Variants in FRG1 observed in about 807,000 individuals in gnomAD.
FRG1 encodes the protein protein FRG1.
A neutral mutation model predicts 37.0 loss-of-function variants in FRG1; 19 were observed. The observed-to-expected ratio is 0.51, with a 90% CI of 0.36 to 0.75. The LOEUF is 0.75. Ranked by LOEUF, FRG1 falls within the 30% of genes least tolerant of loss-of-function variation. The pLI, the probability that FRG1 is intolerant of heterozygous loss-of-function variation, is 0.00. For missense variants in FRG1, 243 were observed against 301.4 expected (o/e 0.81, Z 1.44); for synonymous variants, 73 against 96.5 (o/e 0.76, Z 1.43).
At position 189,957,362 on chromosome 4, in the gene FRG1, T is replaced by C. The variant is rs375494110; in HGVS notation, c.433-36T>C. 6.1e-5 allele frequency: 94 copies of C among 1,543,636 alleles called. No individual in the cohort carries two copies. In the African/African-American group the frequency reaches 1.4e-3, roughly 22 times the overall value. The stretch of plus-strand genomic sequence containing the variant: ...CACTTAATGTTTCTCCCACAAGAAG[T>C]ATCCTCATGGCTATTTTGTTATTTG... On this transcript the variant is annotated intron_variant, in intron 5 of 8. Coordinates refer to ENST00000226798, the MANE Select transcript of FRG1 (RefSeq NM_004477.3).
chr4:189,948,209 A>G (rs935221266), intron 2 of FRG1, among the ~76,000 whole-genome samples: 25 of 152,206 alleles, frequency 1.6e-4, no homozygotes, highest in African/African-American at 6.0e-4. Context: ...AATTTTTTAA[A>G]GCTGTTCTGT....
chr4:189,956,052 A>G (rs536082915), intron 5 of FRG1, among the ~76,000 whole-genome samples: 135 of 152,308 alleles, frequency 8.9e-4, no homozygotes, highest in Non-Finnish European at 1.4e-3. Flanking sequence ...CTTGAAAACT[A>G]TTTTGGCCCA....
At chr4:189,945,950 T>A (rs1039953830) in intron 2 of FRG1, among the ~76,000 whole-genome samples, 1 of 150,410 alleles carries the variant, frequency 6.6e-6, no homozygotes, top group African/African-American at 2.5e-5. Context: ...TAAGAGATAT[T>A]TTCAGATTTT....
chr4:189,959,674 T>C (rs1737145652), intron 6 of FRG1, among the ~76,000 whole-genome samples: 1 of 152,244 alleles, frequency 6.6e-6, no homozygotes, highest in Non-Finnish European at 1.5e-5. Context: ...TGTGCAGTGC[T>C]TTGCACTTAT....
intron 8 of FRG1, among the ~76,000 whole-genome samples, 159 bp downstream of exon 8, chr4:189,962,091 TGG>T (rs1011215536): frequency 6.6e-6 from 1 of 152,208 alleles, no homozygotes; most frequent in Non-Finnish European, 1.5e-5. Flanking sequence ...ATCGTAAGTT[TGG>T]GAAAAGACTG....
At chr4:189,956,531 G>T (rs1448409977) in intron 5 of FRG1, among the ~76,000 whole-genome samples, 9 of 152,158 alleles carry the variant, frequency 5.9e-5, no homozygotes, top group Non-Finnish European at 1.2e-4. Flanking sequence ...TGTGGCACAG[G>T]TTTAAATCGT....
intron 5 of FRG1, among the ~76,000 whole-genome samples, chr4:189,956,709 T>G (rs10032179): frequency 0.35 from 52,856 of 152,082 alleles, 9,606 homozygotes; most frequent in African/African-American, 0.46. Context: ...TATAAATATT[T>G]TGTCTAAATG....
chr4:189,950,398 T>G (rs1736705144), intron 2 of FRG1, among the ~76,000 whole-genome samples: 1 of 152,226 alleles, frequency 6.6e-6, no homozygotes. Context: ...CCACGTTTTC[T>G]TTTGTTGCCT....
intron 6 of FRG1, 43 bp downstream of exon 6, chr4:189,957,545 G>C (rs78503302): frequency 1.3e-6 from 2 of 1,563,318 alleles, no homozygotes; most frequent in South Asian, 2.3e-5. Flanking sequence ...TCACACATGC[G>C]ATGTGACTGT....
chr4:189,945,660 G>GT (rs925601759), intron 2 of FRG1, among the ~76,000 whole-genome samples: 20 of 150,750 alleles, frequency 1.3e-4, no homozygotes, highest in South Asian at 6.3e-4. Flanking sequence ...TGTGTTTTTT[G>GT]TTTTTTTTTA....
At chr4:189,941,958 C>T (rs1736327758) in intron 1 of FRG1, 1 of 356,238 alleles carries the variant, frequency 2.8e-6, no homozygotes, top group African/African-American at 2.2e-5. Context: ...GCCTTGAGAA[C>T]CCTCTCGAGG....
intron 6 of FRG1, among the ~76,000 whole-genome samples, chr4:189,958,880 T>C (rs894919010): frequency 3.9e-5 from 6 of 152,252 alleles, no homozygotes; most frequent in Non-Finnish European, 8.8e-5. Flanking sequence ...GGCTTTTCTG[T>C]GTCTTGGCAT....
chr4:189,962,975 G>A (rs912583143), intron 8 of FRG1, 118 bp from the exon 9 acceptor site: 2 of 519,252 alleles, frequency 3.9e-6, no homozygotes, highest in African/African-American at 3.9e-5. Context: ...TTTAATAAAA[G>A]TGTTGTGGTA....
intron 7 of FRG1, 80 bp downstream of exon 7, chr4:189,960,919 T>C: frequency 6.6e-7 from 1 of 1,517,766 alleles, no homozygotes; most frequent in African/African-American, 1.4e-5. Context: ...AATTACCTAC[T>C]TAGCTGGGCA....
chr4:189,960,929 A>T, intron 7 of FRG1, 90 bp downstream of exon 7: 1 of 1,449,696 alleles, frequency 6.9e-7, no homozygotes, highest in Non-Finnish European at 9.3e-7. Context: ...TTAGCTGGGC[A>T]TGGTGGTACA....
chr4:189,947,647 A>G (rs999350660), intron 2 of FRG1, among the ~76,000 whole-genome samples: 15 of 152,192 alleles, frequency 9.9e-5, no homozygotes, highest in African/African-American at 3.4e-4. Context: ...CAGCCCTCAG[A>G]AGTGCCAGCC....
chr4:189,948,364 C>T (rs1203795306), intron 2 of FRG1, among the ~76,000 whole-genome samples: 1 of 152,152 alleles, frequency 6.6e-6, no homozygotes, highest in East Asian at 1.9e-4. Flanking sequence ...GATTCAGAAG[C>T]AGTTGGACTT....
At position 189,960,818 on chromosome 4, in the gene FRG1, A is replaced by G. The variant is rs1561079076; in HGVS notation, c.608A>G (p.Lys203Arg). Residue 203 changes from lysine (K) to arginine (R), a missense_variant, in exon 7 of 9, where the codon AAA becomes AGA. This residue lies in a region of FRG1 where 133 missense variants were observed against 199.3 expected (regional missense o/e 0.67). Transcript: ENST00000226798. ...DIPEEDKGNV[K>R]QCEINYVKKF... ...CCAGAAGAAGACAAAGGAAATGTAA[A>G]ACAATGTGAAATCAATTATGTGTAT... The G allele has an allele frequency of 1.9e-6, 3 of 1,607,220 alleles. No individual in the cohort carries two copies. The highest frequency in any genetic ancestry group is 2.5e-6 in the Non-Finnish European group (3 of 1,178,598).
At chr4:189,958,058 A>G (rs566731399) in intron 6 of FRG1, among the ~76,000 whole-genome samples, 145 of 151,176 alleles carry the variant, frequency 9.6e-4, no homozygotes, top group African/African-American at 3.4e-3. Context: ...TTTTTTCCTT[A>G]AAATTGTATC....
Sources: allele counts gnomAD v4.1 joint callset (sites outside exome capture counted in the v4.1 genomes callset), GRCh38; gene constraint gnomAD v4.1.1; regional missense constraint gnomAD v4.1.1; transcripts MANE v1.5; gene names NCBI Gene and HGNC (gene_info 2026-07-23, HGNC 2026-07-21).